RCOR1: variants seen among roughly 807,000 people sequenced by gnomAD.
The protein encoded by RCOR1 is REST corepressor.
RCOR1 carries 12 observed loss-of-function variants against 64.0 expected under a neutral mutation model. That is an observed-to-expected ratio of 0.19 (90% CI 0.12 to 0.30). The LOEUF is 0.30. Among genes scored for constraint, RCOR1 ranks in the 10% least tolerant of loss-of-function variants. RCOR1 has a pLI of 1.00. For missense variants in RCOR1, 502 were observed against 621.2 expected (o/e 0.81, Z 2.04); for synonymous variants, 279 against 227.2 (o/e 1.23, Z -2.05).
chr14:102,635,790 T>C (rs537242153), intron 2 of RCOR1, among the ~76,000 whole-genome samples: 8 of 152,108 alleles, frequency 5.3e-5, no homozygotes, highest in Non-Finnish European at 1.0e-4. Context: ...AATTTAGATA[T>C]AAACTCCCAA....
intron 7 of RCOR1, among the ~76,000 whole-genome samples, chr14:102,711,507 G>A (rs937984979): frequency 1.3e-5 from 2 of 152,080 alleles, no homozygotes; most frequent in African/African-American, 4.8e-5. Context: ...CTCTCACATG[G>A]TGACTGTTTC....
intron 6 of RCOR1, 47 bp from the exon 7 acceptor site, chr14:102,710,888 A>T: frequency 7.3e-7 from 1 of 1,365,104 alleles, no homozygotes; most frequent in Non-Finnish European, 1.0e-6. Context: ...TTGTATTCGG[A>T]AAATTAGTAC....
intron 2 of RCOR1, among the ~76,000 whole-genome samples, chr14:102,681,265 A>G (rs984688057): frequency 2.0e-5 from 3 of 152,242 alleles, no homozygotes; most frequent in African/African-American, 7.2e-5. Context: ...GGGCCTAACC[A>G]GTGTGAAGGT....
rs183076523 is a variant in RCOR1, at chr14:102,628,021, A to C, written c.361+34696A>C. Among the ~76,000 whole-genome samples, 421 of 152,096 alleles carry C rather than the reference A, an allele frequency of 2.8e-3. 7 individuals are homozygous for C. Among genetic ancestry groups the C allele is most frequent in the South Asian group, 1.7e-3 (8 of 4,816 alleles). Reference sequence around the variant, plus strand: ...ATGACTGTGAAGGCCAGGAAGTCCCAAAATCTGCAGCTGGCAATCTGGAAT... The same window carrying C: ...ATGACTGTGAAGGCCAGGAAGTCCCCAAATCTGCAGCTGGCAATCTGGAAT... On this transcript the variant is annotated intron_variant, in intron 2 of 11. Transcript: ENST00000262241.
intron 2 of RCOR1, among the ~76,000 whole-genome samples, chr14:102,612,048 C>A (rs2139890361): frequency 6.6e-6 from 1 of 152,152 alleles, no homozygotes; most frequent in Admixed American, 6.5e-5. Flanking sequence ...TTCAAGCGAT[C>A]ATCCCTCCTC....
At chr14:102,609,797 C>T (rs1171601602) in intron 2 of RCOR1, among the ~76,000 whole-genome samples, 11 of 151,686 alleles carry the variant, frequency 7.3e-5, no homozygotes, top group African/African-American at 2.7e-4. Context: ...TCGATCCTTC[C>T]CTGTGGTGGA....
In RCOR1 at chr14:102,613,885, C is replaced by CT. The variant is rs71119719; in HGVS notation, c.361+20584dup. Among the ~76,000 whole-genome samples the CT allele has an allele frequency of 9.6e-3, 533 of 55,384 alleles. 4 individuals are homozygous for CT. The highest frequency in any genetic ancestry group is 0.024 in the East Asian group (47 of 1,982). 36.3% of individuals were successfully genotyped at this position (55,384 alleles called of 152,430 possible). A position where few individuals can be genotyped will look rare whatever the true frequency, so the allele number is the denominator to read the frequency against. ...TAGGTTGTTTTTTGAATTAACTATTCTTTTTTTTTTTTTTTTTTTTTTTTG... is the reference window on the plus strand; with the variant it reads ...TAGGTTGTTTTTTGAATTAACTATTCTTTTTTTTTTTTTTTTTTTTTTTTTG... On this transcript the variant is annotated intron_variant, in intron 2 of 11. Transcript: ENST00000262241.
chr14:102,613,923 G>C (rs1017118642), intron 2 of RCOR1, among the ~76,000 whole-genome samples: 4 of 113,826 alleles, frequency 3.5e-5, no homozygotes, highest in Non-Finnish European at 6.7e-5. Context: ...ACAGAGTTTC[G>C]CTGTTGTTGC....
intron 2 of RCOR1, among the ~76,000 whole-genome samples, chr14:102,619,471 ATCTTTTTTTTTTTTTT>A (rs1893828078): frequency 2.1e-5 from 2 of 95,174 alleles, no homozygotes; most frequent in Admixed American, 2.5e-4. Context: ...ATTCTATCTA[ATCTTTTTTTTTTTTTT>A]TTTTTTTTTT....
chr14:102,636,843 C>T (rs892667638), intron 2 of RCOR1, among the ~76,000 whole-genome samples: 3 of 151,500 alleles, frequency 2.0e-5, no homozygotes, highest in Non-Finnish European at 2.9e-5. Flanking sequence ...TGGTGGTGCA[C>T]GCCTGTAATC....
intron 2 of RCOR1, among the ~76,000 whole-genome samples, chr14:102,622,808 C>G (rs181783255): frequency 6.6e-6 from 1 of 152,116 alleles, no homozygotes; most frequent in South Asian, 2.1e-4. Context: ...TACTTTTCTT[C>G]TCGCCTCCCT....
intron 2 of RCOR1, among the ~76,000 whole-genome samples, chr14:102,663,668 G>A (rs1458277386): frequency 6.6e-6 from 1 of 152,008 alleles, no homozygotes; most frequent in Non-Finnish European, 1.5e-5. Flanking sequence ...ATACAGCCTT[G>A]CCCATTCTGA....
chr14:102,683,652 TG>T lies in RCOR1; in HGVS notation c.445+1679del, dbSNP rs937373732. Among the ~76,000 whole-genome samples, 11 of 152,338 alleles carry T rather than the reference TG, an allele frequency of 7.2e-5. No homozygotes were observed. In the East Asian group the frequency reaches 1.9e-3, roughly 27 times the overall value. ...GGATGCTTTGGGCCAAGCTCTCCTC[TG>T]GGGGCGCGCTGATGTTCCGTGCGCG... On this transcript the variant is annotated intron_variant, in intron 3 of 11. Transcript: ENST00000262241.
At chr14:102,688,555 C>G (rs1445633233) in intron 3 of RCOR1, among the ~76,000 whole-genome samples, 1 of 152,044 alleles carries the variant, frequency 6.6e-6, no homozygotes, top group Non-Finnish European at 1.5e-5. Flanking sequence ...AGTTGATTGC[C>G]TAACCGGGTC....
intron 2 of RCOR1, chr14:102,655,369 T>C: frequency 1.0e-6 from 1 of 985,398 alleles, no homozygotes; most frequent in Non-Finnish European, 1.2e-6. Flanking sequence ...GAATGACTCA[T>C]GGGCATTTTT....
intron 3 of RCOR1, among the ~76,000 whole-genome samples, chr14:102,689,605 G>A (rs1895491911): frequency 6.6e-6 from 1 of 152,132 alleles, no homozygotes; most frequent in Non-Finnish European, 1.5e-5. Flanking sequence ...TATATAGTAA[G>A]TGTTTGTGCA....
intron 2 of RCOR1, among the ~76,000 whole-genome samples, chr14:102,675,493 G>T (rs575618120): frequency 1.3e-5 from 2 of 152,178 alleles, no homozygotes; most frequent in Non-Finnish European, 2.9e-5. Context: ...CAGGGGACTT[G>T]AACACAAATG....
chr14:102,721,210 C>T (rs1896162726), intron 9 of RCOR1, 110 bp from the exon 10 acceptor site: 17 of 1,132,716 alleles, frequency 1.5e-5, no homozygotes, highest in Middle Eastern at 2.0e-4. Flanking sequence ...ATTTTATGAA[C>T]CCAGTTGATG....
chr14:102,634,458 C>T (rs993618812), intron 2 of RCOR1, among the ~76,000 whole-genome samples: 1 of 152,032 alleles, frequency 6.6e-6, no homozygotes. Context: ...GTGATCTCTT[C>T]TTGACTGAAC....
Sources: allele counts gnomAD v4.1 joint callset (sites outside exome capture counted in the v4.1 genomes callset), GRCh38; gene constraint gnomAD v4.1.1; transcripts MANE v1.5; gene names NCBI Gene and HGNC (gene_info 2026-07-23, HGNC 2026-07-21).